RBFOX3: variants seen among roughly 807,000 people sequenced by gnomAD.
The protein encoded by RBFOX3 is RNA binding fox-1 homolog 3.
A neutral mutation model predicts 48.7 loss-of-function variants in RBFOX3; 17 were observed. The ratio of observed to expected loss-of-function variants is 0.35; its 90% CI spans 0.24 to 0.52. The LOEUF is 0.52. RBFOX3 is among the 20% of genes least tolerant of loss of function. The probability of loss-of-function intolerance (pLI) is 0.94; values close to 1 mark genes in which losing one functional copy is unlikely to be tolerated. For synonymous variants in RBFOX3, 212 were observed against 209.5 expected (o/e 1.01, Z -0.10); for missense variants, 382 against 497.5 (o/e 0.77, Z 2.21).
chr17:79,136,150 G>A (rs571326620), intron 4 of RBFOX3: 2 of 152,086 alleles, frequency 1.3e-5, no homozygotes, highest in East Asian at 3.9e-4. Flanking sequence ...CAGCACCTTC[G>A]CCCTGGAGAA....
intron 2 of RBFOX3, among the ~76,000 whole-genome samples, chr17:79,446,016 C>T (rs2072206651): frequency 1.3e-5 from 2 of 152,196 alleles, no homozygotes; most frequent in Admixed American, 1.3e-4. Flanking sequence ...TGCTGCTCAT[C>T]CTACAATGCA....
intron 9 of RBFOX3, chr17:79,100,288 T>C (rs762728648): frequency 6.6e-6 from 1 of 152,228 alleles, no homozygotes; most frequent in Non-Finnish European, 1.5e-5. Context: ...TATAAAAATG[T>C]CTACCGCTTT....
chr17:79,433,562 T>C (rs1452641408), intron 2 of RBFOX3, among the ~76,000 whole-genome samples: 1 of 152,202 alleles, frequency 6.6e-6, no homozygotes, highest in Non-Finnish European at 1.5e-5. Flanking sequence ...TGGACCTCTG[T>C]CGTGGCTGGG....
intron 2 of RBFOX3, among the ~76,000 whole-genome samples, chr17:79,419,538 G>A (rs1046812161): frequency 5.3e-5 from 8 of 152,210 alleles, no homozygotes; most frequent in East Asian, 1.9e-4. Context: ...GCGCTCAGGC[G>A]CTCCGAGGTT....
At chr17:79,584,063 C>T (rs1383162277) in intron 1 of RBFOX3, among the ~76,000 whole-genome samples, 2 of 152,158 alleles carry the variant, frequency 1.3e-5, no homozygotes, top group African/African-American at 4.8e-5. Flanking sequence ...GCACGGATCA[C>T]AAAAGGCCTG....
rs1328257395 is a variant in RBFOX3, at chr17:79,390,658, G to C, written c.-174-82834C>G. 6.6e-6 allele frequency among the ~76,000 whole-genome samples: 1 copy of C among 152,138 alleles called. No individual in the cohort carries two copies. The highest frequency in any genetic ancestry group is 6.5e-5 in the Admixed American group (1 of 15,280). Reference sequence around the variant, plus strand: ...AAACCCAGCTAATTTTGTATTTTTAGTAGAGACAGGGTTTCGCCATGTTGG... The same window carrying C: ...AAACCCAGCTAATTTTGTATTTTTACTAGAGACAGGGTTTCGCCATGTTGG... On this transcript the variant is annotated intron_variant, in intron 2 of 14. Transcript: ENST00000693108. The surrounding 1 kb of genome is among the most constrained non-coding windows in gnomAD (Gnocchi z 4.2).
intron 2 of RBFOX3, among the ~76,000 whole-genome samples, chr17:79,408,854 C>A (rs2063899564): frequency 6.6e-6 from 1 of 152,300 alleles, no homozygotes; most frequent in African/African-American, 2.4e-5. Flanking sequence ...ATTCACATTA[C>A]ACCAAATTAA....
At chr17:79,143,181 AG>A (rs1441145328) in intron 4 of RBFOX3, among the ~76,000 whole-genome samples, 1 of 152,178 alleles carries the variant, frequency 6.6e-6, no homozygotes, top group Non-Finnish European at 1.5e-5. Flanking sequence ...TGTTTTGGGC[AG>A]CCTTGCATCT....
chr17:79,172,010 C>G (rs761219936), intron 4 of RBFOX3, among the ~76,000 whole-genome samples: 3 of 151,466 alleles, frequency 2.0e-5, no homozygotes, highest in Non-Finnish European at 4.4e-5. Context: ...CCTGTCTGTA[C>G]GAAAAATATA....
At chr17:79,155,904 G>A (rs1478065595) in intron 4 of RBFOX3, among the ~76,000 whole-genome samples, 1 of 152,182 alleles carries the variant, frequency 6.6e-6, no homozygotes, top group Non-Finnish European at 1.5e-5. Flanking sequence ...ACGGGGCTCG[G>A]GTGTCAGGCC....
chr17:79,546,640 G>A (rs1027057478), intron 1 of RBFOX3, among the ~76,000 whole-genome samples: 5 of 150,490 alleles, frequency 3.3e-5, no homozygotes, highest in Non-Finnish European at 7.4e-5. Context: ...CCCATCCGCC[G>A]GCATTCCCAG....
intron 2 of RBFOX3, among the ~76,000 whole-genome samples, chr17:79,326,099 A>C (rs541969431): frequency 6.6e-6 from 1 of 152,228 alleles, no homozygotes; most frequent in Non-Finnish European, 1.5e-5. Context: ...GGGGAAATCA[A>C]TTACATACTT....
chr17:79,378,135 G>T (rs573247116), intron 2 of RBFOX3, among the ~76,000 whole-genome samples: 6 of 152,096 alleles, frequency 3.9e-5, no homozygotes, highest in East Asian at 1.9e-4. Flanking sequence ...TCATAGGGGG[G>T]GCGCATCAGG....
At position 79,391,094 on chromosome 17, in the gene RBFOX3, G is replaced by A. The variant is rs1438585984; in HGVS notation, c.-174-83270C>T. 6.6e-6 allele frequency among the ~76,000 whole-genome samples: 1 copy of A among 152,194 alleles called. No homozygotes were observed. The highest frequency in any genetic ancestry group is 1.5e-5 in the Non-Finnish European group (1 of 68,032). ...CTTCGCACCTCGGGTCTGGTGGCCT[G>A]TAACCCCTGCCAGCCAGGCTCCCTG... On this transcript the variant is annotated intron_variant, in intron 2 of 14. Coordinates refer to ENST00000693108, the MANE Select transcript of RBFOX3 (RefSeq NM_001350451.2). This position sits in a 1 kb window ranked among gnomAD's most constrained non-coding sequence, Gnocchi z 5.0.
chr17:79,600,287 TACATGCACAC>T (rs1401285359), intron 1 of RBFOX3: 3 of 152,212 alleles, frequency 2.0e-5, no homozygotes, highest in Non-Finnish European at 2.9e-5. Context: ...CATGTGCACA[TACATGCACAC>T]ACATGCACAC....
chr17:79,237,448 T>C (rs2061764481), intron 3 of RBFOX3, among the ~76,000 whole-genome samples: 1 of 152,238 alleles, frequency 6.6e-6, no homozygotes, highest in African/African-American at 2.4e-5. Flanking sequence ...GTGAAGCGAC[T>C]GTGGCCACAG....
intron 2 of RBFOX3, among the ~76,000 whole-genome samples, chr17:79,319,682 A>G (rs7210807): frequency 0.1 from 9,118 of 90,546 alleles, 1 homozygote; most frequent in Middle Eastern, 0.12. Flanking sequence ...GCTGGGCTAT[A>G]TCTGGGCTGC....
Position 79,122,475 on chromosome 17 carries a change from C to G in RBFOX3, c.-33-6727G>C, listed in dbSNP as rs1031154854. Among the ~76,000 whole-genome samples the G allele has an allele frequency of 3.3e-5, 5 of 152,208 alleles. No homozygotes were observed. The East Asian group carries it at 9.6e-4, about 29-fold the overall frequency. Reference sequence around the variant, plus strand: ...AAAGGTGCTCACCATCATTGATCATCAGAGAAATGCAAATCAAAACTACAC... The same window carrying G: ...AAAGGTGCTCACCATCATTGATCATGAGAGAAATGCAAATCAAAACTACAC... On this transcript the variant is annotated intron_variant, in intron 4 of 14. Transcript: ENST00000693108.
rs927338191 is a variant in RBFOX3, at chr17:79,469,792, G to A, written c.-175+12662C>T. 2.6e-4 allele frequency among the ~76,000 whole-genome samples: 39 copies of A among 152,332 alleles called. No individual in the cohort carries two copies. In the South Asian group the frequency reaches 7.3e-3, roughly 28 times the overall value. ...TGCTCACGTGCAGTCAGAAGAACAC[G>A]CATGAAGGAGAGCGCTCATGAGGGA... On this transcript the variant is annotated intron_variant, in intron 2 of 14. Coordinates refer to ENST00000693108, the MANE Select transcript of RBFOX3 (RefSeq NM_001350451.2).
Sources: allele counts gnomAD v4.1 joint callset (sites outside exome capture counted in the v4.1 genomes callset), GRCh38; gene constraint gnomAD v4.1.1; non-coding constraint Gnocchi (gnomAD v3.1); transcripts MANE v1.5; gene names NCBI Gene and HGNC (gene_info 2026-07-23, HGNC 2026-07-21).